The following TMEM179 variants were observed in gnomAD, a reference collection of about 807,000 sequenced individuals.
TMEM179 encodes the protein transmembrane protein 179.
A neutral mutation model predicts 22.2 loss-of-function variants in TMEM179; 17 were observed. The observed-to-expected ratio is 0.77, with a 90% CI of 0.52 to 1.15. TMEM179 has a LOEUF of 1.15. TMEM179 is among the 50% of genes most tolerant of loss of function. The pLI is 0.00. For synonymous variants in TMEM179, 127 were observed against 140.5 expected, an observed-to-expected ratio of 0.90 and a Z score of 0.68; for missense variants, 265 against 313.6, an observed-to-expected ratio of 0.84 and a Z score of 1.17.
chr14:104,601,151 T>C (rs1425660529), intron 1 of TMEM179, among the ~76,000 whole-genome samples: 1 of 152,130 alleles, frequency 6.6e-6, no homozygotes, highest in Non-Finnish European at 1.5e-5. Context: ...GGACCAACAA[T>C]TGAGTTGGAA....
rs1887356229 is a variant in TMEM179 at position 104,604,533 on chromosome 14, G to A, written c.209C>T (p.Ala70Val). The change falls in exon 1 of 4, where the codon GCC becomes GTC. Residue 70 changes from alanine to valine, a missense_variant. By Grantham distance (64) the Ala-to-Val change is moderately conservative (BLOSUM62 0). Coordinates refer to ENST00000556573, the MANE Select transcript of TMEM179 (RefSeq NM_001286389.2). The surrounding 1 kb of genome is among the most constrained non-coding windows in gnomAD (Gnocchi z 4.6). The part of the protein sequence containing the change: ...FTVQEWGPPA[A>V]CRFSLLASLL... ...GCTGGCGAGCAGGCTGAAGCGGCAG[G>A]CGGCCGGCGGGCCCCACTCCTGCAC... The A allele has an allele frequency of 1.3e-6, 2 of 1,543,464 alleles. No homozygotes were observed. Among genetic ancestry groups the A allele is most frequent in the Non-Finnish European group, 1.7e-6 (2 of 1,148,116 alleles).
Position 104,594,971 on chromosome 14 carries a change from C to T in TMEM179, c.522+194G>A. On this transcript the variant is annotated intron_variant, in intron 3 of 3. Transcript: ENST00000556573. ...GCCATCTCCTCCCCAAACCCACCTA[C>T]AAAAGCCCAGCTCTCCCCCACCTCC... 2.1e-6 allele frequency: 3 copies of T among 1,408,696 alleles called. No individual in the cohort carries two copies. The South Asian group carries it at 4.6e-5, about 22-fold the overall frequency. 87.3% of individuals were successfully genotyped at this position (1,408,696 alleles called of 1,614,324 possible).
Position 104,604,377 on chromosome 14 carries a change from T to C in TMEM179, c.305+60A>G. The C allele has an allele frequency of 1.4e-6, 2 of 1,400,914 alleles. No individual in the cohort carries two copies. The highest frequency in any genetic ancestry group is 1.5e-5 in the South Asian group (1 of 65,422). The allele number at this position is 1,400,914 out of a possible 1,614,324, so 86.8% of individuals were successfully genotyped here. ...GGACTCGCGCGCCTCCCCGGGGAGG[T>C]GGGTCTGGGGGCGCTGGGGGCATGG... is the stretch of plus-strand genomic sequence containing the variant. On this transcript the variant is annotated intron_variant, in intron 1 of 3. Coordinates refer to ENST00000556573, the MANE Select transcript of TMEM179 (RefSeq NM_001286389.2). This position sits in a 1 kb window ranked among gnomAD's most constrained non-coding sequence, Gnocchi z 4.6.
Position 104,591,952 on chromosome 14 carries a change from C to T in TMEM179, c.*1527G>A, listed in dbSNP as rs1275223952. 2 of 161,300 alleles carry T rather than the reference C, an allele frequency of 1.2e-5. No individual in the cohort carries two copies. Among genetic ancestry groups the T allele is most frequent in the East Asian group, 1.9e-4 (1 of 5,270 alleles). The allele number at this position is 161,300 out of a possible 1,614,324, so 10.0% of individuals were successfully genotyped here. On this transcript the variant is annotated 3_prime_UTR_variant, in exon 4 of 4. Coordinates refer to ENST00000556573, the MANE Select transcript of TMEM179 (RefSeq NM_001286389.2). ...CCTGGGCTTTCCTGAGGGGCAGGGT[C>T]CACAGCCAAGCAGCCCCCTACGCCG...
intron 1 of TMEM179, among the ~76,000 whole-genome samples, chr14:104,602,453 C>T (rs560441425): frequency 6.6e-6 from 1 of 152,356 alleles, no homozygotes; most frequent in South Asian, 2.1e-4. Context: ...GCACCCTCCA[C>T]CCTCAGCTTC....
At chr14:104,602,202 C>A (rs950766576) in intron 1 of TMEM179, among the ~76,000 whole-genome samples, 1 of 152,212 alleles carries the variant, frequency 6.6e-6, no homozygotes, top group Admixed American at 6.5e-5. Context: ...GCGAAATAGA[C>A]CATACCCTGT....
rs556218472 is a variant in TMEM179, at chr14:104,602,200, G to A, written c.305+2237C>T. Among the ~76,000 whole-genome samples the A allele has an allele frequency of 2.0e-5, 3 of 152,342 alleles. No homozygotes were observed. In the South Asian group the frequency reaches 6.2e-4, roughly 32 times the overall value. On this transcript the variant is annotated intron_variant, in intron 1 of 3. Transcript: ENST00000556573. ...CCTGCCGCCCAGTGTGTGCGAAATA[G>A]ACCATACCCTGTGCGACCTGGACTC...
At position 104,592,100 on chromosome 14, in the gene TMEM179, G is replaced by GGAGGGGCA. The variant is rs1032506031; in HGVS notation, c.*1371_*1378dup. On this transcript the variant is annotated 3_prime_UTR_variant, in exon 4 of 4. Transcript: ENST00000556573. ...TGGATGCTGGGCGTGGGAGCCCATG[G>GGAGGGGCA]GAGGGGCAGAGGGGCTGTCCACACA... is the stretch of plus-strand genomic sequence containing the variant. 2.6e-5 allele frequency: 4 copies of GGAGGGGCA among 155,500 alleles called. No individual in the cohort carries two copies. The highest frequency in any genetic ancestry group is 9.6e-5 in the African/African-American group (4 of 41,454). 9.6% of individuals were successfully genotyped at this position (155,500 alleles called of 1,614,324 possible).
chr14:104,603,233 C>T (rs1188714749), intron 1 of TMEM179, among the ~76,000 whole-genome samples: 1 of 152,210 alleles, frequency 6.6e-6, no homozygotes, highest in Non-Finnish European at 1.5e-5. Context: ...CCCTCTCTGG[C>T]CCCTCTCTCA....
At position 104,597,287 on chromosome 14, in the gene TMEM179, T is replaced by C. The variant is rs1887064397; in HGVS notation, c.306-160A>G. Among the ~76,000 whole-genome samples the C allele has an allele frequency of 6.6e-6, 1 of 151,916 alleles. No homozygotes were observed. Among genetic ancestry groups the C allele is most frequent in the African/African-American group, 2.4e-5 (1 of 41,348 alleles). On this transcript the variant is annotated intron_variant, in intron 1 of 3. Transcript: ENST00000556573. The surrounding 1 kb of genome is among the most constrained non-coding windows in gnomAD (Gnocchi z 4.8). ...CCCCCGGACCCTCAGGATTCCTGGG[T>C]TGGGCCCTGTGGGGCCTCAAGGAGT...
chr14:104,600,120 T>C (rs1452404071), intron 1 of TMEM179, among the ~76,000 whole-genome samples: 1 of 152,206 alleles, frequency 6.6e-6, no homozygotes, highest in Non-Finnish European at 1.5e-5. Flanking sequence ...CTCTCATTCC[T>C]TTCTGGTCGG....
At chr14:104,599,016 AC>A (rs1332366881) in intron 1 of TMEM179, among the ~76,000 whole-genome samples, 2 of 152,074 alleles carry the variant, frequency 1.3e-5, no homozygotes, top group Non-Finnish European at 2.9e-5. Context: ...ACAAGCCACA[AC>A]CCCCATCACA....
intron 3 of TMEM179, chr14:104,594,782 C>T (rs544020481): frequency 8.3e-7 from 1 of 1,206,016 alleles, no homozygotes; most frequent in African/African-American, 1.6e-5. Context: ...CTGATCTGAA[C>T]AGGCCCACCC....
Position 104,604,521 on chromosome 14 carries a change from C to T in TMEM179, c.221G>A (p.Ser74Asn), listed in dbSNP as rs1887355035. ...CAGAGACAGGAGGCTGGCGAGCAGG[C>T]TGAAGCGGCAGGCGGCCGGCGGGCC... ...EWGPPAACRF[S>N]LLASLLSLLL... Residue 74 changes from serine (S) to asparagine (N), a missense_variant, in exon 1 of 4, where the codon AGC becomes AAC. Coordinates refer to ENST00000556573, the MANE Select transcript of TMEM179 (RefSeq NM_001286389.2). This position sits in a 1 kb window ranked among gnomAD's most constrained non-coding sequence, Gnocchi z 4.6. 4.5e-6 allele frequency: 7 copies of T among 1,561,572 alleles called. No individual in the cohort carries two copies. The East Asian group carries it at 1.7e-4, about 38-fold the overall frequency.
chr14:104,604,759 GC>G lies in TMEM179; in HGVS notation c.-19del. 1 of 1,504,698 alleles carries G rather than the reference GC, an allele frequency of 6.6e-7. No individual in the cohort carries two copies. Among genetic ancestry groups the G allele is most frequent in the South Asian group, 1.3e-5 (1 of 76,624 alleles). The allele number at this position is 1,504,698 out of a possible 1,614,324, so 93.2% of individuals were successfully genotyped here. ...AGCGCCATGGCCGGCCCGGGCGAGA[GC>G]GGCGGCGGGAAGGCCGCGGGAGGCT... On this transcript the variant is annotated 5_prime_UTR_variant, in exon 1 of 4. Transcript: ENST00000556573. The surrounding 1 kb of genome is among the most constrained non-coding windows in gnomAD (Gnocchi z 4.6).
intron 1 of TMEM179, among the ~76,000 whole-genome samples, chr14:104,598,386 G>C (rs1188009300): frequency 1.3e-5 from 2 of 152,226 alleles, no homozygotes; most frequent in Non-Finnish European, 2.9e-5. Flanking sequence ...CTGGATCTAA[G>C]GGAGGTGACC....
chr14:104,597,816 C>A lies in TMEM179; in HGVS notation c.306-689G>T, dbSNP rs1046705005. Among the ~76,000 whole-genome samples, 2 of 152,194 alleles carry A rather than the reference C, an allele frequency of 1.3e-5. No individual in the cohort carries two copies. Among genetic ancestry groups the A allele is most frequent in the Non-Finnish European group, 2.9e-5 (2 of 68,034 alleles). On this transcript the variant is annotated intron_variant, in intron 1 of 3. Coordinates refer to ENST00000556573, the MANE Select transcript of TMEM179 (RefSeq NM_001286389.2). The surrounding 1 kb of genome is among the most constrained non-coding windows in gnomAD (Gnocchi z 4.8). ...CTTCCATTCACCCGCAGGTCATCAG[C>A]GCGTGGCCTGGACCCCTGGTAGGAC...
intron 2 of TMEM179, 30 bp downstream of exon 2, chr14:104,596,950 GGGAGGTGGGC>G: frequency 6.3e-7 from 1 of 1,589,120 alleles, no homozygotes; most frequent in South Asian, 1.1e-5. Context: ...GGATCTTCCG[GGGAGGTGGGC>G]GGAGGCCGAG....
chr14:104,604,519 G>C lies in TMEM179; in HGVS notation c.223C>G (p.Leu75Val). 6.4e-7 allele frequency: 1 copy of C among 1,562,020 alleles called. No homozygotes were observed. The highest frequency in any genetic ancestry group is 8.6e-7 in the Non-Finnish European group (1 of 1,156,498). Residue 75 changes from leucine (L) to valine (V), a missense_variant, in exon 1 of 4, where the codon CTG (leucine) becomes GTG (valine). By Grantham distance (32) the Leu-to-Val change is conservative (BLOSUM62 1). Transcript: ENST00000556573. This position sits in a 1 kb window ranked among gnomAD's most constrained non-coding sequence, Gnocchi z 4.6. ...WGPPAACRFS[L>V]LASLLSLLLA... ...AGCAGAGACAGGAGGCTGGCGAGCA[G>C]GCTGAAGCGGCAGGCGGCCGGCGGG...
Sources: gnomAD v4.1 joint callset for allele counts (sites outside exome capture counted in the v4.1 genomes callset) on GRCh38, gnomAD v4.1.1 for gene constraint, Gnocchi (gnomAD v3.1) non-coding constraint, MANE v1.5 for transcripts, NCBI Gene and HGNC (gene_info 2026-07-23, HGNC 2026-07-21) for gene names.